Variants in MCC observed in about 807,000 individuals in gnomAD.
MCC encodes MCC regulator of Wnt signaling pathway.
Under a neutral mutation model 116.2 loss-of-function variants are expected in MCC, and 90 were observed. The ratio of observed to expected loss-of-function variants is 0.77; its 90% confidence interval spans 0.65 to 0.92. MCC has a LOEUF of 0.92. Ranked by LOEUF, MCC falls within the 40% of genes least tolerant of loss-of-function variation. The pLI is 0.00. For missense variants in MCC, 1,516 were observed against 1,312.2 expected (o/e 1.16, Z -2.40); for synonymous variants, 578 against 510.5 (o/e 1.13, Z -1.78).
At chr5:113,150,759 A>G (rs1218831149) in intron 4 of MCC, among the ~76,000 whole-genome samples, 1 of 152,190 alleles carries the variant, frequency 6.6e-6, no homozygotes, top group Admixed American at 6.5e-5. Context: ...AAGAAAATTA[A>G]TATTAACAAG....
At chr5:113,340,784 G>A (rs1356850789) in intron 2 of MCC, 54 bp from the exon 3 acceptor site, 31 of 1,478,950 alleles carry the variant, frequency 2.1e-5, no homozygotes, top group Non-Finnish European at 2.3e-5. Context: ...ATTAGCCTGT[G>A]GGTGGCCAAT....
chr5:113,285,926 C>T (rs963678030), intron 3 of MCC, among the ~76,000 whole-genome samples: 9 of 152,158 alleles, frequency 5.9e-5, no homozygotes, highest in African/African-American at 2.2e-4. Context: ...GTCAAAATGA[C>T]CAAACTAAAT....
At chr5:113,087,486 CAAAA>C (rs1418895305) in intron 8 of MCC, among the ~76,000 whole-genome samples, 2 of 152,046 alleles carry the variant, frequency 1.3e-5, no homozygotes, top group East Asian at 3.9e-4. Context: ...CCTCACAAAC[CAAAA>C]ATGGGTACAG....
chr5:113,446,257 T>A (rs1771216309), intron 1 of MCC, among the ~76,000 whole-genome samples: 1 of 152,092 alleles, frequency 6.6e-6, no homozygotes, highest in South Asian at 2.1e-4. Context: ...CATGACATAA[T>A]TAAACTAAAG....
At position 113,053,918 on chromosome 5, in the gene MCC, G is replaced by C; in HGVS notation, c.2255C>G (p.Thr752Ser). 6.2e-7 allele frequency: 1 copy of C among 1,613,876 alleles called. No homozygotes were observed. The part of the protein sequence containing the change: ...STASSCDTEF[T>S]KEDEQRLKDY... ...CTTCAGCCTCTGCTCGTCTTCTTTA[G>C]TGAACTCGGTGTCGCAACTACTGGC... is the stretch of plus-strand genomic sequence containing the variant. Residue 752 changes from threonine (T) to serine (S), a missense_variant, in exon 15 of 19, where the codon ACT (threonine) becomes AGT (serine). Coordinates refer to ENST00000408903, the MANE Select transcript of MCC (RefSeq NM_001085377.2).
Position 113,068,280 on chromosome 5 carries a change from C to G in MCC, c.1926-97G>C, listed in dbSNP as rs1173853639. The stretch of plus-strand genomic sequence containing the variant: ...GTGCAGGAGGCAGCTCAGGTGCTGT[C>G]TCGGCCTCACTCTCCACACAGGCAA... On this transcript the variant is annotated intron_variant, in intron 12 of 18. Coordinates refer to ENST00000408903, the MANE Select transcript of MCC (RefSeq NM_001085377.2). The G allele has an allele frequency of 3.8e-5, 31 of 823,228 alleles. 1 individual carries two copies. The South Asian group carries it at 4.6e-4, about 12-fold the overall frequency. 51.0% of individuals were successfully genotyped at this position (823,228 alleles called of 1,614,324 possible). A position where few individuals can be genotyped will look rare whatever the true frequency, so the allele number is the denominator to read the frequency against.
chr5:113,344,275 T>A (rs1176356489), intron 2 of MCC, among the ~76,000 whole-genome samples: 2 of 152,144 alleles, frequency 1.3e-5, no homozygotes, highest in African/African-American at 4.8e-5. Flanking sequence ...ATCCCAGCAG[T>A]CGGAACTTGA....
At chr5:113,201,387 C>CAAA (rs68052804) in intron 3 of MCC, among the ~76,000 whole-genome samples, 17 of 128,240 alleles carry the variant, frequency 1.3e-4, no homozygotes, top group South Asian at 5.2e-4. Flanking sequence ...ACGCCATCTC[C>CAAA]AAAAAAAAAA....
intron 4 of MCC, among the ~76,000 whole-genome samples, chr5:113,144,305 C>T (rs13183116): frequency 0.46 from 70,435 of 152,036 alleles, 19,533 homozygotes; most frequent in East Asian, 0.7. Context: ...TGCATTTAAT[C>T]TCATTTACAT....
chr5:113,278,114 C>T (rs1203262469), intron 3 of MCC, among the ~76,000 whole-genome samples: 1 of 152,170 alleles, frequency 6.6e-6, no homozygotes, highest in Non-Finnish European at 1.5e-5. Context: ...GCCATGACAA[C>T]ATGGTCTGAG....
intron 3 of MCC, among the ~76,000 whole-genome samples, chr5:113,187,120 C>T (rs1761931378): frequency 6.6e-6 from 1 of 152,164 alleles, no homozygotes; most frequent in South Asian, 2.1e-4. Flanking sequence ...TAAACTTTCA[C>T]CTCCTATAGT....
chr5:113,310,939 G>A (rs1767121859), intron 3 of MCC, among the ~76,000 whole-genome samples: 1 of 152,120 alleles, frequency 6.6e-6, no homozygotes, highest in African/African-American at 2.4e-5. Context: ...CAAGTATCTT[G>A]TTGGGTACTA....
At chr5:113,120,263 A>G (rs1757657584) in intron 6 of MCC, among the ~76,000 whole-genome samples, 1 of 152,152 alleles carries the variant, frequency 6.6e-6, no homozygotes, top group Non-Finnish European at 1.5e-5. Context: ...GCTGGTATGA[A>G]CTTGGCATAT....
intron 1 of MCC, chr5:113,432,497 A>G (rs1374911892): frequency 6.9e-6 from 1 of 144,508 alleles, no homozygotes; most frequent in East Asian, 2.0e-4. Flanking sequence ...GAATAATAAT[A>G]GGACCCCTCC....
chr5:113,168,885 T>C (rs1426343811), intron 3 of MCC, among the ~76,000 whole-genome samples: 1 of 152,146 alleles, frequency 6.6e-6, no homozygotes, highest in Non-Finnish European at 1.5e-5. Context: ...GCTTGACTAG[T>C]AGCAAGCAAT....
chr5:113,027,765 A>C (rs924676019), intron 18 of MCC, among the ~76,000 whole-genome samples: 1 of 152,172 alleles, frequency 6.6e-6, no homozygotes, highest in Non-Finnish European at 1.5e-5. Flanking sequence ...TCAAACCAGC[A>C]ATCCAAATTG....
intron 3 of MCC, among the ~76,000 whole-genome samples, chr5:113,334,197 T>TTA (rs1447830667): frequency 1.3e-5 from 2 of 148,506 alleles, no homozygotes; most frequent in African/African-American, 2.5e-5. Flanking sequence ...TTTATATATA[T>TTA]TATATATATA....
At chr5:113,292,932 T>C (rs1482206850) in intron 3 of MCC, among the ~76,000 whole-genome samples, 5 of 152,162 alleles carry the variant, frequency 3.3e-5, no homozygotes, top group African/African-American at 1.2e-4. Flanking sequence ...ATTATAAAAT[T>C]GGCAAAAGTC....
chr5:113,206,935 C>T (rs1270862114), intron 3 of MCC, among the ~76,000 whole-genome samples: 3 of 152,136 alleles, frequency 2.0e-5, no homozygotes, highest in Non-Finnish European at 4.4e-5. Context: ...TATTACAGAG[C>T]GATGAAATGA....
Sources: allele counts gnomAD v4.1 joint callset (sites outside exome capture counted in the v4.1 genomes callset), GRCh38; gene constraint gnomAD v4.1.1; transcripts MANE v1.5; gene names NCBI Gene and HGNC (gene_info 2026-07-23, HGNC 2026-07-21).